Variants in C1QTNF12 observed in about 807,000 individuals in gnomAD.
C1QTNF12 encodes the protein adipolin.
A neutral mutation model predicts 34.3 loss-of-function variants in C1QTNF12; 39 were observed. The ratio of observed to expected loss-of-function variants is 1.14; its 90% CI spans 0.88 to 1.49. C1QTNF12 has a LOEUF of 1.49. Ranked by LOEUF, C1QTNF12 falls within the 40% of genes most tolerant of loss-of-function variation. The pLI is 0.00. For synonymous variants in C1QTNF12, 220 were observed against 196.9 expected (o/e 1.12, Z -0.98); for missense variants, 497 against 424.7 (o/e 1.17, Z -1.50).
chr1:1,243,628 T>A, intron 4 of C1QTNF12, 76 bp from the exon 5 acceptor site: 1 of 1,229,506 alleles, frequency 8.1e-7, no homozygotes, highest in Non-Finnish European at 1.2e-6. Context: ...GGAAGGTGCC[T>A]GCAACCGACA....
rs922578562 is a variant in C1QTNF12 at position 1,246,479 on chromosome 1, C to G, written c.177+35G>C. The G allele has an allele frequency of 3.7e-5, 46 of 1,229,016 alleles. No homozygotes were observed. The highest frequency in any genetic ancestry group is 4.4e-5 in the Non-Finnish European group (43 of 985,854). The allele number at this position is 1,229,016 out of a possible 1,614,324, so 76.1% of individuals were successfully genotyped here. ...CCCCAGAGCCCCAGCTCCGAAGCTG[C>G]CCCGCGAGGGCCCACGTGCGTCCCG... On this transcript the variant is annotated intron_variant, in intron 1 of 7. Transcript: ENST00000330388. The surrounding 1 kb of genome is among the most constrained non-coding windows in gnomAD (Gnocchi z 4.5).
At chr1:1,245,983 G>T (rs949382234) in intron 1 of C1QTNF12, among the ~76,000 whole-genome samples, 5 of 152,152 alleles carry the variant, frequency 3.3e-5, no homozygotes, top group African/African-American at 1.2e-4. Context: ...TTCTGTCTTT[G>T]TGAGGACGCC....
rs530078248 is a variant in C1QTNF12, at chr1:1,244,381, C to G, written c.294G>C (p.Pro98=). The change falls in exon 2 of 8, where the codon CCG becomes CCC. Residue 98 remains proline, a splice_region_variant and synonymous_variant. Transcript: ENST00000330388. ...RKRCGSRDKK[P]RDLFGPPGPP... ...CTGCAGCAGCCCGGGCGGGGCTCAC[C>G]GGCTTCTTGTCCCTGCTTCCGCACC... is the stretch of plus-strand genomic sequence containing the variant. 6.2e-7 allele frequency: 1 copy of G among 1,610,884 alleles called. No homozygotes were observed. Among genetic ancestry groups the G allele is most frequent in the Non-Finnish European group, 8.5e-7 (1 of 1,178,748 alleles).
At position 1,243,436 on chromosome 1, in the gene C1QTNF12, C is replaced by A; in HGVS notation, c.640+8G>T. The A allele has an allele frequency of 6.5e-7, 1 of 1,550,056 alleles. No individual in the cohort carries two copies. The highest frequency in any genetic ancestry group is 8.7e-7 in the Non-Finnish European group (1 of 1,146,246). On this transcript the variant is annotated splice_region_variant and intron_variant, in intron 5 of 7. Transcript: ENST00000330388. The stretch of plus-strand genomic sequence containing the variant: ...TCACAGCACACGGCACTGCCCCATC[C>A]GGCTCACCCACGTGCAGACTGGCAG...
rs1638887695 is a variant in C1QTNF12 at position 1,246,188 on chromosome 1, T to A, written c.177+326A>T. ...CCCACCCCCGCCCCCAAATCAGCAA[T>A]TAACCTAATAGCAACAGGTTCCTCA... is the stretch of plus-strand genomic sequence containing the variant. On this transcript the variant is annotated intron_variant, in intron 1 of 7. Coordinates refer to ENST00000330388, the MANE Select transcript of C1QTNF12 (RefSeq NM_001014980.3). The surrounding 1 kb of genome is among the most constrained non-coding windows in gnomAD (Gnocchi z 4.5). Among the ~76,000 whole-genome samples, 1 of 111,382 alleles carries A rather than the reference T, an allele frequency of 9.0e-6. No homozygotes were observed. The highest frequency in any genetic ancestry group is 3.5e-5 in the African/African-American group (1 of 28,620). 73.1% of individuals were successfully genotyped at this position (111,382 alleles called of 152,430 possible).
Position 1,246,678 on chromosome 1 carries a change from C to G in C1QTNF12, c.13G>C (p.Ala5Pro). The G allele has an allele frequency of 8.2e-7, 1 of 1,225,268 alleles. No individual in the cohort carries two copies. 75.9% of individuals were successfully genotyped at this position (1,225,268 alleles called of 1,614,324 possible). Residue 5 changes from alanine (A) to proline (P), a missense_variant, in exon 1 of 8, where the codon GCC (alanine) becomes CCC (proline). Coordinates refer to ENST00000330388, the MANE Select transcript of C1QTNF12 (RefSeq NM_001014980.3). The surrounding 1 kb of genome is among the most constrained non-coding windows in gnomAD (Gnocchi z 4.5). MRRWAWAAVVVLLGP... is the reference protein window; with the variant it reads MRRWPWAAVVVLLGP... ...AGGAGGACCACGACCGCGGCCCAGG[C>G]CCAGCGCCGCATGGCTCCGTCCCGA...
In C1QTNF12 at chr1:1,243,528, G is replaced by A. The variant is rs776657823; in HGVS notation, c.556C>T (p.Arg186Ter). 31 of 1,553,394 alleles carry A rather than the reference G, an allele frequency of 2.0e-5. 1 individual carries two copies. The highest frequency in any genetic ancestry group is 2.7e-5 in the African/African-American group (2 of 73,142). Residue 186 changes from arginine to a stop codon, truncating the protein, a stop_gained, in exon 5 of 8, where the codon CGA (arginine) becomes TGA (stop). Transcript: ENST00000330388. LOFTEE classifies it high-confidence loss of function. ...QAPAAQGAFLRGSGLSLASGR... is the reference protein window; with the variant it reads ...QAPAAQGAFL Reference sequence around the variant, plus strand: ...GAGGCCAGGCTCAGACCGGAGCCTCGCAGGAAGGCACCTTGGGCAGCAGGC... The same window carrying A: ...GAGGCCAGGCTCAGACCGGAGCCTCACAGGAAGGCACCTTGGGCAGCAGGC...
In C1QTNF12 at chr1:1,244,372, G is replaced by T. The variant is rs769971742; in HGVS notation, c.294+9C>A. The stretch of plus-strand genomic sequence containing the variant: ...GCTCAGACCCTGCAGCAGCCCGGGC[G>T]GGGCTCACCGGCTTCTTGTCCCTGC... On this transcript the variant is annotated intron_variant, in intron 2 of 7. Coordinates refer to ENST00000330388, the MANE Select transcript of C1QTNF12 (RefSeq NM_001014980.3). 2.5e-6 allele frequency: 4 copies of T among 1,609,678 alleles called. No individual in the cohort carries two copies. The East Asian group carries it at 8.9e-5, about 36-fold the overall frequency.
rs1430986980 is a variant in C1QTNF12 at position 1,246,636 on chromosome 1, G to C, written c.55C>G (p.Leu19Val). ...CGCCGGGCCCCGACGCCCCCGAGGA[G>C]CACGAGCTGCGGCCCGAGGAGGACC... ...VVVLLGPQLV[L>V]LGGVGARREA... is the part of the protein sequence containing the mutation. Residue 19 changes from leucine (L) to valine (V), a missense_variant, in exon 1 of 8, where the codon CTC becomes GTC. Coordinates refer to ENST00000330388, the MANE Select transcript of C1QTNF12 (RefSeq NM_001014980.3). The surrounding 1 kb of genome is among the most constrained non-coding windows in gnomAD (Gnocchi z 4.5). The C allele has an allele frequency of 1.1e-5, 13 of 1,237,466 alleles. No homozygotes were observed. The East Asian group carries it at 4.1e-4, about 39-fold the overall frequency. 76.7% of individuals were successfully genotyped at this position (1,237,466 alleles called of 1,614,324 possible). A position where few individuals can be genotyped will look rare whatever the true frequency, so the allele number is the denominator to read the frequency against.
rs1013120457 is a variant in C1QTNF12 at position 1,246,565 on chromosome 1, G to A, written c.126C>T (p.Pro42=). 2.0e-5 allele frequency: 25 copies of A among 1,243,172 alleles called. No homozygotes were observed. The highest frequency in any genetic ancestry group is 3.0e-4 in the Middle Eastern group (1 of 3,288). The allele number at this position is 1,243,172 out of a possible 1,614,324, so 77.0% of individuals were successfully genotyped here. ...TQQPGQRADP[P]NATASASSRE... is the part of the protein sequence containing the mutation. ...GGGAGGACGCGCTGGCGGTGGCGTT[G>A]GGGGGATCTGCGCGCTGGCCAGGCT... The change falls in exon 1 of 8, where the codon CCC becomes CCT. Residue 42 remains proline, a synonymous_variant. Coordinates refer to ENST00000330388, the MANE Select transcript of C1QTNF12 (RefSeq NM_001014980.3). The surrounding 1 kb of genome is among the most constrained non-coding windows in gnomAD (Gnocchi z 4.5).
chr1:1,243,941 C>T lies in C1QTNF12; in HGVS notation c.531+13G>A, dbSNP rs748976174. On this transcript the variant is annotated intron_variant, in intron 4 of 7. Transcript: ENST00000330388. ...CACCCAACACCCCGCTCTAAGCTCC[C>T]GGCTCCACTCACAGCCTGGAAACCA... The T allele has an allele frequency of 1.6e-4, 249 of 1,603,028 alleles. No individual in the cohort carries two copies. The highest frequency in any genetic ancestry group is 1.9e-4 in the Non-Finnish European group (220 of 1,175,846).
At position 1,243,140 on chromosome 1, in the gene C1QTNF12, A is replaced by C; in HGVS notation, c.653T>G (p.Leu218Arg). 6.6e-7 allele frequency: 1 copy of C among 1,516,564 alleles called. No individual in the cohort carries two copies. The highest frequency in any genetic ancestry group is 8.9e-7 in the Non-Finnish European group (1 of 1,126,102). 93.9% of individuals were successfully genotyped at this position (1,516,564 alleles called of 1,614,324 possible). Residue 218 changes from leucine to arginine, a missense_variant, in exon 6 of 8, where the codon CTG becomes CGG. By Grantham distance (102) the Leu-to-Arg change is moderately radical. Coordinates refer to ENST00000330388, the MANE Select transcript of C1QTNF12 (RefSeq NM_001014980.3). The stretch of plus-strand genomic sequence containing the variant: ...GGCCCGCAGCCGGGCCTTGCCCTGC[A>C]GCTCACTGTGGTCTGCGGAGAGAGC... ...SASLHVDHSELQGKARLRARD... is the reference protein window; with the variant it reads ...SASLHVDHSERQGKARLRARD...
chr1:1,243,169 G>T lies in C1QTNF12; in HGVS notation c.641-17C>A. ...CACTGTGGTCTGCGGAGAGAGCCCT[G>T]GGGAGGGTGGTGCATGGGGGGCGGG... is the stretch of plus-strand genomic sequence containing the variant. On this transcript the variant is annotated splice_polypyrimidine_tract_variant and intron_variant, in intron 5 of 7. Coordinates refer to ENST00000330388, the MANE Select transcript of C1QTNF12 (RefSeq NM_001014980.3). 6.7e-7 allele frequency: 1 copy of T among 1,496,968 alleles called. No individual in the cohort carries two copies. The highest frequency in any genetic ancestry group is 9.0e-7 in the Non-Finnish European group (1 of 1,108,192). The allele number at this position is 1,496,968 out of a possible 1,614,324, so 92.7% of individuals were successfully genotyped here.
At chr1:1,243,826 G>A (rs1348366687) in intron 4 of C1QTNF12, 128 bp downstream of exon 4, 21 of 1,202,628 alleles carry the variant, frequency 1.7e-5, no homozygotes, top group African/African-American at 3.1e-5. Flanking sequence ...GCAGCCCCTC[G>A]CCCTCCGAGC....
In C1QTNF12 at chr1:1,244,340, G is replaced by A. The variant is rs200584060; in HGVS notation, c.294+41C>T. 25 of 1,599,020 alleles carry A rather than the reference G, an allele frequency of 1.6e-5. No homozygotes were observed. In the East Asian group the frequency reaches 4.7e-4, roughly 30 times the overall value. On this transcript the variant is annotated intron_variant, in intron 2 of 7. Transcript: ENST00000330388. ...CCGGTGGGAGCTACCACCACACCCT[G>A]TCCGGGGCTCAGACCCTGCAGCAGC... is the stretch of plus-strand genomic sequence containing the variant.
intron 5 of C1QTNF12, 91 bp downstream of exon 5, chr1:1,243,353 G>T: frequency 7.9e-7 from 1 of 1,267,614 alleles, no homozygotes; most frequent in Non-Finnish European, 1.1e-6. Flanking sequence ...TCCCTAACAG[G>T]ACCCGCACCC....
rs1638779102 is a variant in C1QTNF12, at chr1:1,243,011, C to T, written c.731+51G>A. 4 of 1,557,946 alleles carry T rather than the reference C, an allele frequency of 2.6e-6. No individual in the cohort carries two copies. The East Asian group carries it at 9.6e-5, about 37-fold the overall frequency. On this transcript the variant is annotated intron_variant, in intron 6 of 7. Transcript: ENST00000330388. ...AGACCCCTGTGGCCTGTGAGCCCCT[C>T]CAAGGGTGGTCCGGGGGCTGCCGCC...
chr1:1,244,652 G>T, intron 1 of C1QTNF12, 155 bp from the exon 2 acceptor site: 1 of 635,126 alleles, frequency 1.6e-6, no homozygotes, highest in Non-Finnish European at 2.8e-6. Context: ...GAACCCTGAC[G>T]TCCCAATGCC....
chr1:1,246,916 C>T (rs185536212), upstream of C1QTNF12, among the ~76,000 whole-genome samples: 354 of 152,218 alleles, frequency 2.3e-3, 1 homozygote, highest in African/African-American at 8.3e-3. This position sits in a 1 kb window ranked among gnomAD's most constrained non-coding sequence, Gnocchi z 4.5. Flanking sequence ...TCTCTGGCCT[C>T]CTCACTCCGC....
Sources: gnomAD v4.1 joint callset for allele counts (sites outside exome capture counted in the v4.1 genomes callset) on GRCh38, gnomAD v4.1.1 for gene constraint, Gnocchi (gnomAD v3.1) non-coding constraint, MANE v1.5 for transcripts, NCBI Gene and HGNC (gene_info 2026-07-23, HGNC 2026-07-21) for gene names.